FRG1: variants seen among roughly 807,000 people sequenced by gnomAD.
FRG1 encodes the protein protein FRG1.
Under a neutral mutation model 37.0 loss-of-function variants are expected in FRG1, and 19 were observed. The ratio of observed to expected loss-of-function variants is 0.51; its 90% CI spans 0.36 to 0.75. The LOEUF is 0.75. Ranked by LOEUF, FRG1 falls within the 30% of genes least tolerant of loss-of-function variation. The probability of loss-of-function intolerance (pLI) is 0.00; values close to 1 mark genes in which losing one functional copy is unlikely to be tolerated. For synonymous variants in FRG1, 73 were observed against 96.5 expected, an observed-to-expected ratio of 0.76 and a Z score of 1.43; for missense variants, 243 against 301.4, an observed-to-expected ratio of 0.81 and a Z score of 1.44.
At chr4:189,950,760 A>G (rs1367725531) in intron 2 of FRG1, among the ~76,000 whole-genome samples, 3 of 152,178 alleles carry the variant, frequency 2.0e-5, no homozygotes, top group East Asian at 1.9e-4. Context: ...TTAATTATCA[A>G]TATTTTGCCA....
intron 7 of FRG1, chr4:189,961,093 G>C (rs1324714581): frequency 2.5e-6 from 1 of 393,158 alleles, no homozygotes; most frequent in African/African-American, 2.0e-5. Context: ...GACAAGAAGA[G>C]ACGACACAAT....
chr4:189,962,948 T>G, intron 8 of FRG1, 145 bp from the exon 9 acceptor site: 1 of 438,152 alleles, frequency 2.3e-6, no homozygotes, highest in Admixed American at 4.2e-5. Context: ...AGAAACCAAA[T>G]TTAAAAGTAT....
At chr4:189,952,028 G>A (rs201767512) in intron 2 of FRG1, 134 bp from the exon 3 acceptor site, 3 of 612,302 alleles carry the variant, frequency 4.9e-6, no homozygotes, top group Non-Finnish European at 8.5e-6. Flanking sequence ...AGTGAGTAAA[G>A]AATATGTGAG....
chr4:189,951,333 C>CA (rs976722985), intron 2 of FRG1, among the ~76,000 whole-genome samples: 12 of 151,434 alleles, frequency 7.9e-5, no homozygotes, highest in African/African-American at 1.9e-4. Flanking sequence ...ACTAAAAATA[C>CA]AAAAAAAATT....
intron 1 of FRG1, chr4:189,941,830 C>T: frequency 4.6e-6 from 2 of 435,814 alleles, no homozygotes; most frequent in Non-Finnish European, 9.2e-6. Context: ...TTTTAACTGG[C>T]AGATTTGCCC....
At chr4:189,947,174 A>G (rs1287713722) in intron 2 of FRG1, among the ~76,000 whole-genome samples, 2 of 152,216 alleles carry the variant, frequency 1.3e-5, no homozygotes, top group African/African-American at 4.8e-5. Flanking sequence ...TGTTAGATCA[A>G]CTGGTAGAGC....
rs1415179581 is a variant in FRG1 at position 189,940,919 on chromosome 4, G to A, written c.-91G>A. 3 of 976,648 alleles carry A rather than the reference G, an allele frequency of 3.1e-6. No individual in the cohort carries two copies. Among genetic ancestry groups the A allele is most frequent in the South Asian group, 2.8e-5 (2 of 70,464 alleles). 60.5% of individuals were successfully genotyped at this position (976,648 alleles called of 1,614,324 possible). A position where few individuals can be genotyped will look rare whatever the true frequency, so the allele number is the denominator to read the frequency against. On this transcript the variant is annotated 5_prime_UTR_variant, in exon 1 of 9. Coordinates refer to ENST00000226798, the MANE Select transcript of FRG1 (RefSeq NM_004477.3). ...GTCAGGGAGTGTTTATTTCGCGTCC[G>A]CTTCTGTTTCTCCGCGCCCCTGTGC... is the stretch of plus-strand genomic sequence containing the variant.
At position 189,947,091 on chromosome 4, in the gene FRG1, G is replaced by A. The variant is rs1431826829; in HGVS notation, c.133+3819G>A. On this transcript the variant is annotated intron_variant, in intron 2 of 8. Transcript: ENST00000226798. Reference sequence around the variant, plus strand: ...AGCTGGTCTCAAACTCCTGACCTCAGGTGATCCTCCCGCCTCGGCGGGATC... The same window carrying A: ...AGCTGGTCTCAAACTCCTGACCTCAAGTGATCCTCCCGCCTCGGCGGGATC... 2.6e-5 allele frequency among the ~76,000 whole-genome samples: 4 copies of A among 152,322 alleles called. No homozygotes were observed. The East Asian group carries it at 5.8e-4, about 22-fold the overall frequency.
At chr4:189,951,277 C>T (rs952427145) in intron 2 of FRG1, among the ~76,000 whole-genome samples, 7 of 152,016 alleles carry the variant, frequency 4.6e-5, no homozygotes, top group South Asian at 2.1e-4. Context: ...ATCACGAGGT[C>T]GGGAGTTTGA....
intron 2 of FRG1, among the ~76,000 whole-genome samples, chr4:189,947,069 T>A (rs1423026497): frequency 2.0e-5 from 3 of 152,252 alleles, no homozygotes; most frequent in Non-Finnish European, 4.4e-5. Context: ...TTGACCAAGC[T>A]GGTCTCAAAC....
At chr4:189,945,664 T>C (rs80196216) in intron 2 of FRG1, among the ~76,000 whole-genome samples, 1 of 148,180 alleles carries the variant, frequency 6.7e-6, no homozygotes, top group African/African-American at 2.5e-5. Flanking sequence ...TTTTTTGTTT[T>C]TTTTTAAGAT....
At position 189,963,152 on chromosome 4, in the gene FRG1, A is replaced by G; in HGVS notation, c.*23A>G. 1.2e-6 allele frequency: 2 copies of G among 1,605,412 alleles called. No individual in the cohort carries two copies. The highest frequency in any genetic ancestry group is 1.7e-6 in the Non-Finnish European group (2 of 1,173,066). On this transcript the variant is annotated 3_prime_UTR_variant, in exon 9 of 9. Coordinates refer to ENST00000226798, the MANE Select transcript of FRG1 (RefSeq NM_004477.3). ...TGACTGGGATTTTTGTTTCTGCCTTATCTTTCTGTGTTTTTTTCTGAATAA... is the reference window on the plus strand; with the variant it reads ...TGACTGGGATTTTTGTTTCTGCCTTGTCTTTCTGTGTTTTTTTCTGAATAA...
At position 189,961,236 on chromosome 4, in the gene FRG1, G is replaced by A. The variant is rs886240834; in HGVS notation, c.629+397G>A. 2.3e-5 allele frequency: 4 copies of A among 171,594 alleles called. No individual in the cohort carries two copies. In the East Asian group the frequency reaches 6.6e-4, roughly 28 times the overall value. The allele number at this position is 171,594 out of a possible 1,614,324, so 10.6% of individuals were successfully genotyped here. ...CTCTCTATTCATTCATAGAATGGGTGTGATGCCAGTCAAAGGCTGTGCTAT... is the reference window on the plus strand; with the variant it reads ...CTCTCTATTCATTCATAGAATGGGTATGATGCCAGTCAAAGGCTGTGCTAT... On this transcript the variant is annotated intron_variant, in intron 7 of 8. Coordinates refer to ENST00000226798, the MANE Select transcript of FRG1 (RefSeq NM_004477.3).
At chr4:189,951,489 CAAA>C (rs70947948) in intron 2 of FRG1, among the ~76,000 whole-genome samples, 60 of 114,530 alleles carry the variant, frequency 5.2e-4, no homozygotes, top group Middle Eastern at 4.7e-3. Flanking sequence ...GTCTCCGTCT[CAAA>C]AAAAAAAAAA....
intron 8 of FRG1, among the ~76,000 whole-genome samples, chr4:189,962,133 G>A (rs780923517): frequency 6.6e-6 from 1 of 152,108 alleles, no homozygotes; most frequent in Non-Finnish European, 1.5e-5. Context: ...AATTATAACC[G>A]ATTCTAAGTA....
chr4:189,953,601 G>A (rs1736855551), intron 4 of FRG1, among the ~76,000 whole-genome samples: 1 of 152,058 alleles, frequency 6.6e-6, no homozygotes, highest in African/African-American at 2.4e-5. Flanking sequence ...AGTATAGAAC[G>A]ATTCTTTGGG....
At chr4:189,946,537 T>C (rs1201166730) in intron 2 of FRG1, among the ~76,000 whole-genome samples, 1 of 152,184 alleles carries the variant, frequency 6.6e-6, no homozygotes, top group Non-Finnish European at 1.5e-5. Flanking sequence ...GCTCTTGTTT[T>C]ATTGCTTCTT....
chr4:189,956,503 G>A (rs528512933), intron 5 of FRG1, among the ~76,000 whole-genome samples: 1 of 152,072 alleles, frequency 6.6e-6, no homozygotes, highest in African/African-American at 2.4e-5. Context: ...ATTGCAAAAG[G>A]GACTCAGCTG....
At chr4:189,941,801 AC>A in intron 1 of FRG1, 1 of 413,680 alleles carries the variant, frequency 2.4e-6, no homozygotes, top group Non-Finnish European at 4.8e-6. Flanking sequence ...ATACCTGTGC[AC>A]TCATATCCCC....
Sources: gnomAD v4.1 joint callset for allele counts (sites outside exome capture counted in the v4.1 genomes callset) on GRCh38, gnomAD v4.1.1 for gene constraint, MANE v1.5 for transcripts, NCBI Gene and HGNC (gene_info 2026-07-23, HGNC 2026-07-21) for gene names.